The following RNF123 variants were observed in gnomAD, a reference collection of about 807,000 sequenced individuals.
RNF123 encodes the protein ring finger protein 123, also known as E3 ubiquitin-protein ligase RNF123.
RNF123 carries 86 observed loss-of-function variants against 168.5 expected under a neutral mutation model. That is an observed-to-expected ratio of 0.51 (90% confidence interval 0.43 to 0.61). The LOEUF is 0.61. Ranked by LOEUF, RNF123 falls within the 20% of genes least tolerant of loss-of-function variation. The pLI is 0.00. For missense variants in RNF123, 1,419 were observed against 1,729.7 expected (o/e 0.82, Z 3.19); for synonymous variants, 666 against 689.1 (o/e 0.97, Z 0.52).
intron 35 of RNF123, chr3:49,718,867 AC>A: frequency 6.2e-7 from 1 of 1,613,464 alleles, no homozygotes. Context: ...CAGCTCAGGT[AC>A]GGAGATGTGT....
At chr3:49,718,360 A>T (rs1348235053) in intron 35 of RNF123, 1 of 1,613,270 alleles carries the variant, frequency 6.2e-7, no homozygotes, top group Non-Finnish European at 8.5e-7. Context: ...GTGCACGCTC[A>T]CGTTGTACTC....
intron 4 of RNF123, 53 bp from the exon 5 acceptor site, chr3:49,697,310 A>T: frequency 1.9e-6 from 3 of 1,589,152 alleles, no homozygotes; most frequent in Non-Finnish European, 2.6e-6. Flanking sequence ...AGGACACCCT[A>T]TGCATCCTGT....
chr3:49,713,016 AG>A (rs2080173511), intron 27 of RNF123: 1 of 685,666 alleles, frequency 1.5e-6, no homozygotes, highest in Admixed American at 2.0e-5. Context: ...GCAGTTGGTC[AG>A]GGGCAGAATG....
At chr3:49,719,755 T>G (rs2080351065) in intron 35 of RNF123, 2 of 365,156 alleles carry the variant, frequency 5.5e-6, no homozygotes, top group Admixed American at 4.3e-5. Context: ...TGGTTCCCGT[T>G]TGAGGAGGCG....
intron 3 of RNF123, among the ~76,000 whole-genome samples, chr3:49,696,341 G>A (rs1485291622): frequency 2.0e-5 from 3 of 151,940 alleles, no homozygotes; most frequent in African/African-American, 7.3e-5. Context: ...AAGACTTAGA[G>A]AGGGCTACTT....
intron 26 of RNF123, among the ~76,000 whole-genome samples, chr3:49,707,644 G>A (rs1002512229): frequency 6.6e-6 from 1 of 152,140 alleles, no homozygotes; most frequent in Non-Finnish European, 1.5e-5. Context: ...GCATACCCCT[G>A]CATGACTGGG....
Position 49,705,146 on chromosome 3 carries a change from C to T in RNF123, c.2122C>T (p.Arg708Cys), listed in dbSNP as rs142334123. 49 of 1,608,152 alleles carry T rather than the reference C, an allele frequency of 3.0e-5. No individual in the cohort carries two copies. Among genetic ancestry groups the T allele is most frequent in the East Asian group, 1.8e-4 (8 of 44,578 alleles). Residue 708 changes from arginine (R) to cysteine (C), a missense_variant, in exon 23 of 39, where the codon CGC (arginine) becomes TGC (cysteine). Arg to Cys is a radical substitution (Grantham distance 180, BLOSUM62 -3). Around this residue, in one of 5 missense-constraint regions of RNF123, gnomAD observed 538 missense variants for 708.8 expected, o/e 0.76. Transcript: ENST00000327697. ...PLSTSEKVKV[R>C]TLSVEQRTRE... Reference sequence around the variant, plus strand: ...GAGCACCTCGGAGAAAGTGAAGGTCCGCACGCTGAGCGTGGAGCAGAGGAC... The same window carrying T: ...GAGCACCTCGGAGAAAGTGAAGGTCTGCACGCTGAGCGTGGAGCAGAGGAC...
intron 26 of RNF123, among the ~76,000 whole-genome samples, chr3:49,710,140 C>G (rs1242735656): frequency 6.6e-6 from 1 of 151,836 alleles, no homozygotes; most frequent in African/African-American, 2.4e-5. Context: ...CCGGCAATTT[C>G]TACTTTTTTA....
At chr3:49,712,208 T>A (rs1342064089) in intron 26 of RNF123, among the ~76,000 whole-genome samples, 1 of 142,050 alleles carries the variant, frequency 7.0e-6, no homozygotes, top group Non-Finnish European at 1.6e-5. Context: ...CCTGGGTGAC[T>A]CCATCTCAAA....
In RNF123 at chr3:49,715,810, TTGG is replaced by T; in HGVS notation, c.3151-8_3151-6del. The T allele has an allele frequency of 6.2e-7, 1 of 1,613,940 alleles. No individual in the cohort carries two copies. The highest frequency in any genetic ancestry group is 1.7e-5 in the Admixed American group (1 of 60,024). On this transcript the variant is annotated splice_polypyrimidine_tract_variant and intron_variant, in intron 32 of 38. Coordinates refer to ENST00000327697, the MANE Select transcript of RNF123 (RefSeq NM_022064.5). ...GTGCTGACCACTGCATGCCCACGTGTTGGTGGCTCAGATCCAGCAGGCTGCTGA... is the reference window on the plus strand; with the variant it reads ...GTGCTGACCACTGCATGCCCACGTGTTGGCTCAGATCCAGCAGGCTGCTGA...
intron 35 of RNF123, chr3:49,719,637 C>T (rs1575288440): frequency 5.0e-6 from 3 of 604,230 alleles, no homozygotes; most frequent in East Asian, 6.0e-5. Context: ...GGTTGTGAGG[C>T]GGTGCGGCAC....
intron 28 of RNF123, 69 bp downstream of exon 28, chr3:49,713,656 T>C: frequency 1.3e-6 from 2 of 1,575,446 alleles, no homozygotes; most frequent in Admixed American, 1.9e-5. Flanking sequence ...CTTTCTTCTA[T>C]GAAAAATGTG....
chr3:49,696,325 G>T (rs2054266213), intron 3 of RNF123, among the ~76,000 whole-genome samples: 1 of 152,050 alleles, frequency 6.6e-6, no homozygotes, highest in Non-Finnish European at 1.5e-5. Context: ...TACAGATGAA[G>T]GAATTAAGAC....
At chr3:49,695,323 C>A (rs1294240068) in intron 3 of RNF123, among the ~76,000 whole-genome samples, 1 of 151,982 alleles carries the variant, frequency 6.6e-6, no homozygotes, top group Non-Finnish European at 1.5e-5. Flanking sequence ...TGGTCTCAAA[C>A]CCCTGGGCTC....
At chr3:49,719,454 C>T (rs748326075) in intron 35 of RNF123, 2 of 1,612,246 alleles carry the variant, frequency 1.2e-6, no homozygotes, top group East Asian at 2.2e-5. Context: ...CCAGCAGCAC[C>T]AACCAGGTCA....
chr3:49,709,963 A>G (rs1400101392), intron 26 of RNF123, among the ~76,000 whole-genome samples: 1 of 152,040 alleles, frequency 6.6e-6, no homozygotes, highest in Non-Finnish European at 1.5e-5. Context: ...TGAGGGTTCC[A>G]ATTTCTCCAT....
intron 5 of RNF123, 57 bp from the exon 6 acceptor site, chr3:49,697,828 T>C: frequency 6.2e-7 from 1 of 1,607,096 alleles, no homozygotes; most frequent in South Asian, 1.1e-5. Context: ...TCTTTTTCCC[T>C]TGGGGAGATG....
At chr3:49,718,884 C>G (rs2080316561) in intron 35 of RNF123, 1 of 1,613,608 alleles carries the variant, frequency 6.2e-7, no homozygotes, top group Non-Finnish European at 8.5e-7. Flanking sequence ...TGTGTCCCAG[C>G]CGGTTGGAGG....
Position 49,712,510 on chromosome 3 carries a change from G to A in RNF123, c.2528G>A (p.Arg843His), listed in dbSNP as rs867916716. The change falls in exon 27 of 39, where the codon CGC becomes CAC. Residue 843 changes from arginine (R) to histidine (H), a missense_variant. By Grantham distance (29) the Arg-to-His change is conservative. This residue lies in a region of RNF123 where 538 missense variants were observed against 708.8 expected (regional missense o/e 0.76). Coordinates refer to ENST00000327697, the MANE Select transcript of RNF123 (RefSeq NM_022064.5). The part of the protein sequence containing the change: ...EKMLDIYWLL[R>H]VCLRTIEHGD... ...ATGCTGGACATCTACTGGCTGCTGC[G>A]CGTCTGCCTGCGGACCATTGAGCAC... 13 of 1,613,992 alleles carry A rather than the reference G, an allele frequency of 8.1e-6. No homozygotes were observed. Among genetic ancestry groups the A allele is most frequent in the Admixed American group, 5.0e-5 (3 of 60,010 alleles).
Sources: gnomAD v4.1 joint callset for allele counts (sites outside exome capture counted in the v4.1 genomes callset) on GRCh38, gnomAD v4.1.1 for gene constraint, gnomAD v4.1.1 regional missense constraint, MANE v1.5 for transcripts, NCBI Gene and HGNC (gene_info 2026-07-23, HGNC 2026-07-21) for gene names.